The following CTNND2 variants were observed in gnomAD, a reference collection of about 807,000 sequenced individuals.
CTNND2 encodes catenin delta-2.
In CTNND2, 22 loss-of-function variants were observed where a neutral mutation model predicts 144.4. That is an observed-to-expected ratio of 0.15 (90% CI 0.11 to 0.22). The LOEUF (loss-of-function observed/expected upper bound fraction) is 0.22, where lower values mean the gene tolerates loss of function less well. Ranked by LOEUF, CTNND2 falls within the 10% of genes least tolerant of loss-of-function variation. The probability of loss-of-function intolerance (pLI) is 1.00; values close to 1 mark genes in which losing one functional copy is unlikely to be tolerated. For missense variants in CTNND2, 1,353 were observed against 1,618.8 expected (o/e 0.84, Z 2.82); for synonymous variants, 751 against 695.6 (o/e 1.08, Z -1.25).
chr5:11,727,983 T>C (rs952662263), intron 2 of CTNND2, among the ~76,000 whole-genome samples: 2 of 152,224 alleles, frequency 1.3e-5, no homozygotes, highest in African/African-American at 2.4e-5. Flanking sequence ...TCTTGTTATA[T>C]ATAGAGTTAA....
chr5:11,531,894 TTGGCTTATCCACCAA>T (rs1387631066), intron 3 of CTNND2, among the ~76,000 whole-genome samples: 12 of 152,208 alleles, frequency 7.9e-5, no homozygotes, highest in African/African-American at 2.9e-4. Flanking sequence ...TATATTTTAT[TTGGCTTATCCACCAA>T]ATAAAGTCTG....
intron 9 of CTNND2, among the ~76,000 whole-genome samples, chr5:11,281,315 G>C (rs542421197): frequency 6.6e-6 from 1 of 152,108 alleles, no homozygotes; most frequent in Non-Finnish European, 1.5e-5. Flanking sequence ...AAATGTTCAC[G>C]AACTCCATCA....
At chr5:11,441,850 CA>C (rs1764294670) in intron 3 of CTNND2, among the ~76,000 whole-genome samples, 2 of 152,058 alleles carry the variant, frequency 1.3e-5, no homozygotes, top group African/African-American at 4.8e-5. Context: ...ATATTTTCGC[CA>C]ATATGTGCTT....
chr5:11,661,097 C>T (rs1163339558), intron 2 of CTNND2, among the ~76,000 whole-genome samples: 3 of 152,012 alleles, frequency 2.0e-5, no homozygotes, highest in Admixed American at 1.3e-4. Flanking sequence ...AGTGGCTTTC[C>T]GAATGGCCTA....
intron 5 of CTNND2, among the ~76,000 whole-genome samples, chr5:11,403,037 T>G (rs1760764214): frequency 6.6e-6 from 1 of 152,218 alleles, no homozygotes. Flanking sequence ...TTTTTTCTTT[T>G]TTTTAAATTT....
intron 9 of CTNND2, among the ~76,000 whole-genome samples, chr5:11,273,369 C>T (rs1454012076): frequency 6.6e-6 from 1 of 152,164 alleles, no homozygotes; most frequent in Non-Finnish European, 1.5e-5. Flanking sequence ...GTGTAACTGG[C>T]TAAGTGTATG....
chr5:11,617,455 A>G (rs1277659286), intron 2 of CTNND2, among the ~76,000 whole-genome samples: 1 of 152,190 alleles, frequency 6.6e-6, no homozygotes, highest in Non-Finnish European at 1.5e-5. Context: ...TAGCTCATCC[A>G]TCATTCATTC....
At chr5:11,550,163 G>A (rs577344452) in intron 3 of CTNND2, among the ~76,000 whole-genome samples, 6 of 152,170 alleles carry the variant, frequency 3.9e-5, no homozygotes, top group Admixed American at 2.6e-4. Context: ...TTATTCTCCC[G>A]AATTTACAAA....
intron 3 of CTNND2, among the ~76,000 whole-genome samples, chr5:11,492,315 C>T (rs537284745): frequency 6.6e-6 from 1 of 152,218 alleles, no homozygotes; most frequent in Admixed American, 6.5e-5. Flanking sequence ...ACAAGATGGG[C>T]AACATTCTTC....
chr5:11,364,465 A>G, intron 8 of CTNND2: 1 of 404,330 alleles, frequency 2.5e-6, no homozygotes. Context: ...TGACAAAATG[A>G]GCTTACAATC....
At chr5:11,155,738 C>A (rs1390643115) in intron 12 of CTNND2, among the ~76,000 whole-genome samples, 1 of 152,104 alleles carries the variant, frequency 6.6e-6, no homozygotes, top group African/African-American at 2.4e-5. Context: ...CACTTCTATC[C>A]TTTTTCCTCA....
intron 14 of CTNND2, among the ~76,000 whole-genome samples, chr5:11,108,087 G>T (rs1010523514): frequency 6.6e-6 from 1 of 152,186 alleles, no homozygotes; most frequent in Admixed American, 6.5e-5. Context: ...TAAAATTATG[G>T]AGAAGTAGAT....
intron 10 of CTNND2, among the ~76,000 whole-genome samples, chr5:11,213,935 C>G (rs907563008): frequency 6.6e-6 from 1 of 152,154 alleles, no homozygotes; most frequent in African/African-American, 2.4e-5. Flanking sequence ...TCCTCCTTCC[C>G]TCACCAAAAT....
chr5:11,607,168 C>A (rs1780094527), intron 2 of CTNND2, among the ~76,000 whole-genome samples: 2 of 152,150 alleles, frequency 1.3e-5, no homozygotes, highest in South Asian at 4.1e-4. Context: ...CCCTTGCAGC[C>A]CTCAGAACAA....
chr5:11,547,231 G>A (rs867142242), intron 3 of CTNND2, among the ~76,000 whole-genome samples: 30 of 151,338 alleles, frequency 2.0e-4, no homozygotes, highest in African/African-American at 7.3e-4. Flanking sequence ...TCACGCCACC[G>A]CACTCTGGCC....
At chr5:11,021,311 T>C (rs549239202) in intron 17 of CTNND2, among the ~76,000 whole-genome samples, 42 of 152,336 alleles carry the variant, frequency 2.8e-4, no homozygotes, top group African/African-American at 9.6e-4. Context: ...CTCATGAATA[T>C]AGACAAGAAT....
chr5:11,046,814 C>T (rs1173156149), intron 16 of CTNND2, among the ~76,000 whole-genome samples: 1 of 152,048 alleles, frequency 6.6e-6, no homozygotes, highest in Non-Finnish European at 1.5e-5. Context: ...TCTGTTTTGT[C>T]CAAATCTGTT....
In CTNND2 at chr5:11,580,529, C is replaced by T. The variant is rs562079443; in HGVS notation, c.175-15473G>A. On this transcript the variant is annotated intron_variant, in intron 2 of 21. Transcript: ENST00000304623. ...TTTCTAGAGTTTTACATATCCAAAT[C>T]TGATCTAGTTCTAATCAATCTAGAT... Among the ~76,000 whole-genome samples the T allele has an allele frequency of 3.0e-4, 45 of 152,286 alleles. No homozygotes were observed. The Middle Eastern group carries it at 0.01, about 35-fold the overall frequency.
chr5:11,903,281 T>A lies in CTNND2; in HGVS notation c.37+536A>T. On this transcript the variant is annotated intron_variant, in intron 1 of 21. Transcript: ENST00000304623. This position sits in a 1 kb window ranked among gnomAD's most constrained non-coding sequence, Gnocchi z 5.4. The stretch of plus-strand genomic sequence containing the variant: ...AGGCTTGCTGGGAAGCCGCTAAATA[T>A]AGACCAAGGGGGCTCAGGGTCTGGC... 2.0e-6 allele frequency: 2 copies of A among 985,518 alleles called. No homozygotes were observed. Among genetic ancestry groups the A allele is most frequent in the African/African-American group, 3.5e-5 (2 of 57,336 alleles). The allele number at this position is 985,518 out of a possible 1,614,324, so 61.0% of individuals were successfully genotyped here.
Sources: allele counts gnomAD v4.1 joint callset (sites outside exome capture counted in the v4.1 genomes callset), GRCh38; gene constraint gnomAD v4.1.1; non-coding constraint Gnocchi (gnomAD v3.1); transcripts MANE v1.5; gene names NCBI Gene and HGNC (gene_info 2026-07-23, HGNC 2026-07-21).